Variants in NT5DC1 observed in about 807,000 individuals in gnomAD.
NT5DC1 encodes 5'-nucleotidase domain-containing protein 1.
Under a neutral mutation model 59.4 loss-of-function variants are expected in NT5DC1, and 42 were observed. That is an observed-to-expected ratio of 0.71 (90% confidence interval 0.55 to 0.92). The LOEUF is 0.92. Ranked by LOEUF, NT5DC1 falls within the 40% of genes least tolerant of loss-of-function variation. The pLI is 0.00. For synonymous variants in NT5DC1, 172 were observed against 188.1 expected (o/e 0.91, Z 0.70); for missense variants, 501 against 537.1 (o/e 0.93, Z 0.66).
chr6:116,183,821 A>G (rs894601123), intron 6 of NT5DC1, among the ~76,000 whole-genome samples: 3 of 151,928 alleles, frequency 2.0e-5, no homozygotes, highest in Admixed American at 6.6e-5. Context: ...AGGGTTTTCT[A>G]GGTATATGAT....
intron 6 of NT5DC1, among the ~76,000 whole-genome samples, chr6:116,205,817 G>GA (rs1328944706): frequency 6.6e-6 from 1 of 151,976 alleles, no homozygotes; most frequent in Non-Finnish European, 1.5e-5. Context: ...AATGTGTAAT[G>GA]AAAAAATCAA....
At chr6:116,229,690 G>T (rs1378642586) in intron 8 of NT5DC1, among the ~76,000 whole-genome samples, 1 of 152,168 alleles carries the variant, frequency 6.6e-6, no homozygotes, top group African/African-American at 2.4e-5. Flanking sequence ...ATTGGAGAGG[G>T]AACGTGTCAG....
At chr6:116,179,654 G>A (rs569731356) in intron 6 of NT5DC1, among the ~76,000 whole-genome samples, 18 of 152,178 alleles carry the variant, frequency 1.2e-4, no homozygotes, top group South Asian at 6.2e-4. Flanking sequence ...AAAGAATAAC[G>A]GGTTTTGAAC....
At chr6:116,129,066 A>G (rs1779398053) in intron 6 of NT5DC1, among the ~76,000 whole-genome samples, 1 of 152,144 alleles carries the variant, frequency 6.6e-6, no homozygotes, top group African/African-American at 2.4e-5. Flanking sequence ...TAAATCCCAT[A>G]TATTGTACCA....
At chr6:116,133,925 GT>G (rs768451269) in intron 6 of NT5DC1, among the ~76,000 whole-genome samples, 15 of 152,218 alleles carry the variant, frequency 9.9e-5, no homozygotes, top group African/African-American at 2.6e-4. Flanking sequence ...ATTAATAGTG[GT>G]TTTTTTCCCC....
At chr6:116,152,483 ACCC>A (rs907126030) in intron 6 of NT5DC1, among the ~76,000 whole-genome samples, 3 of 151,978 alleles carry the variant, frequency 2.0e-5, no homozygotes, top group Admixed American at 6.6e-5. Flanking sequence ...GTGATTATCT[ACCC>A]CACCGTGCCA....
intron 6 of NT5DC1, chr6:116,120,156 G>A: frequency 6.2e-7 from 1 of 1,614,160 alleles, no homozygotes; most frequent in Non-Finnish European, 8.5e-7. Context: ...GCATTGGGAA[G>A]CTGGAGCCAC....
intron 1 of NT5DC1, among the ~76,000 whole-genome samples, chr6:116,105,218 C>T (rs987106455): frequency 2.6e-5 from 4 of 152,142 alleles, no homozygotes; most frequent in Non-Finnish European, 5.9e-5. Flanking sequence ...TGTGTGCAGG[C>T]CCCTCAGTTT....
chr6:116,159,978 G>A (rs1457208762), intron 6 of NT5DC1, among the ~76,000 whole-genome samples: 2 of 152,154 alleles, frequency 1.3e-5, no homozygotes, highest in Admixed American at 6.5e-5. Context: ...GTATTCCACA[G>A]TGTATACATA....
Position 116,159,322 on chromosome 6 carries a change from A to G in NT5DC1, c.529+41377A>G, listed in dbSNP as rs115541405. On this transcript the variant is annotated intron_variant, in intron 6 of 11. Transcript: ENST00000319550. The stretch of plus-strand genomic sequence containing the variant: ...ATAACTTTCTTTTTCCATAAAGAGA[A>G]AAAAGACACTTTCAAGTCATTATTT... Among the ~76,000 whole-genome samples, 618 of 152,316 alleles carry G rather than the reference A, an allele frequency of 4.1e-3. 4 individuals carry two copies. Among genetic ancestry groups the G allele is most frequent in the African/African-American group, 0.014 (576 of 41,578 alleles).
At chr6:116,155,708 A>G (rs573893134) in intron 6 of NT5DC1, among the ~76,000 whole-genome samples, 1 of 151,348 alleles carries the variant, frequency 6.6e-6, no homozygotes, top group East Asian at 1.9e-4. Flanking sequence ...CACTGGGTGA[A>G]TAAACAACAC....
At chr6:116,156,611 T>C (rs180872755) in intron 6 of NT5DC1, among the ~76,000 whole-genome samples, 1 of 152,276 alleles carries the variant, frequency 6.6e-6, no homozygotes, top group African/African-American at 2.4e-5. Context: ...GAGGCAATGG[T>C]AATTTAGAGT....
chr6:116,153,451 C>T (rs1435569178), intron 6 of NT5DC1, among the ~76,000 whole-genome samples: 1 of 151,976 alleles, frequency 6.6e-6, no homozygotes, highest in Non-Finnish European at 1.5e-5. Context: ...AGTCTCTATT[C>T]CACTGGAGTT....
chr6:116,164,529 T>A (rs2114435860), intron 6 of NT5DC1, among the ~76,000 whole-genome samples: 1 of 152,352 alleles, frequency 6.6e-6, no homozygotes. Flanking sequence ...AATCTTGTTT[T>A]TCTTACCCAA....
chr6:116,202,747 T>C (rs2114512474), intron 6 of NT5DC1, among the ~76,000 whole-genome samples: 1 of 152,104 alleles, frequency 6.6e-6, no homozygotes, highest in East Asian at 1.9e-4. Flanking sequence ...CAGATAAACA[T>C]TAAAATATTA....
rs1234443487 is a variant in NT5DC1, at chr6:116,244,885, G to C, written c.*861G>C. The C allele has an allele frequency of 6.6e-6, 1 of 152,052 alleles. No individual in the cohort carries two copies. The highest frequency in any genetic ancestry group is 1.5e-5 in the Non-Finnish European group (1 of 68,014). The allele number at this position is 152,052 out of a possible 1,614,324, so 9.4% of individuals were successfully genotyped here. On this transcript the variant is annotated 3_prime_UTR_variant, in exon 12 of 12. Transcript: ENST00000319550. ...ATTTAATTTATTTAATCAACTTTAA[G>C]CATTACATTCTCAATTGGGGACAAA...
chr6:116,139,408 C>T (rs149402506), intron 6 of NT5DC1, among the ~76,000 whole-genome samples: 6 of 152,172 alleles, frequency 3.9e-5, no homozygotes, highest in African/African-American at 1.4e-4. Flanking sequence ...ATATTGAGAA[C>T]AATTGTATTT....
intron 4 of NT5DC1, among the ~76,000 whole-genome samples, chr6:116,111,199 G>C (rs1483703136): frequency 1.3e-5 from 2 of 152,168 alleles, no homozygotes; most frequent in Non-Finnish European, 2.9e-5. Flanking sequence ...TACTTGTTCT[G>C]GTTTAAAGAT....
chr6:116,208,878 A>G (rs565886008), intron 6 of NT5DC1, among the ~76,000 whole-genome samples: 1 of 152,120 alleles, frequency 6.6e-6, no homozygotes, highest in East Asian at 1.9e-4. Context: ...CTCATAGAAT[A>G]TACTAATAGA....
Sources: gnomAD v4.1 joint callset for allele counts (sites outside exome capture counted in the v4.1 genomes callset) on GRCh38, gnomAD v4.1.1 for gene constraint, MANE v1.5 for transcripts, NCBI Gene and HGNC (gene_info 2026-07-23, HGNC 2026-07-21) for gene names.